The following ZBTB20 variants were observed in gnomAD, a reference collection of about 807,000 sequenced individuals.
ZBTB20 encodes zinc finger and BTB domain-containing protein 20.
A neutral mutation model predicts 56.9 loss-of-function variants in ZBTB20; 9 were observed. The observed-to-expected ratio is 0.16, with a 90% CI of 0.10 to 0.28. The LOEUF is 0.28. Ranked by LOEUF, ZBTB20 falls within the 10% of genes least tolerant of loss-of-function variation. The probability of loss-of-function intolerance (pLI) is 1.00; values close to 1 mark genes in which losing one functional copy is unlikely to be tolerated. For missense variants in ZBTB20, 655 were observed against 1,003.0 expected (o/e 0.65, Z 4.69); for synonymous variants, 417 against 420.7 (o/e 0.99, Z 0.11).
At chr3:114,999,241 T>G (rs1230652585) in intron 2 of ZBTB20, among the ~76,000 whole-genome samples, 1 of 108,234 alleles carries the variant, frequency 9.2e-6, no homozygotes, top group African/African-American at 3.7e-5. Context: ...GGGAGGGAAA[T>G]GAAAGCAGGA....
intron 2 of ZBTB20, among the ~76,000 whole-genome samples, chr3:115,011,191 G>A (rs1312480579): frequency 6.6e-6 from 1 of 151,800 alleles, no homozygotes; most frequent in African/African-American, 2.4e-5. Flanking sequence ...CCTGATTATT[G>A]GCCTTAAAGA....
rs1576744101 is a variant in ZBTB20 at position 114,434,558 on chromosome 3, T to TGTGTGTGTG, written c.-254-45454_-254-45453insCACACACAC. Among the ~76,000 whole-genome samples the TGTGTGTGTG allele has an allele frequency of 2.2e-4, 32 of 146,050 alleles. 1 individual carries two copies. Among genetic ancestry groups the TGTGTGTGTG allele is most frequent in the African/African-American group, 6.4e-4 (25 of 39,270 alleles). On this transcript the variant is annotated intron_variant, in intron 7 of 11. Transcript: ENST00000675478. ...GCAATTGGGGTGTGTGTGTGTGTGT[T>TGTGTGTGTG]TGTGTGTGTGTGTGTGTGTATCTTT...
chr3:114,677,101 T>C (rs2061674533), intron 6 of ZBTB20, among the ~76,000 whole-genome samples: 1 of 152,130 alleles, frequency 6.6e-6, no homozygotes, highest in Non-Finnish European at 1.5e-5. Flanking sequence ...CTCAAGTTTA[T>C]GCAGGAGGAA....
intron 1 of ZBTB20, among the ~76,000 whole-genome samples, chr3:115,128,308 A>G (rs993310176): frequency 6.6e-6 from 1 of 152,204 alleles, no homozygotes; most frequent in African/African-American, 2.4e-5. Context: ...TATAATATCA[A>G]AGAGAATCAG....
intron 2 of ZBTB20, among the ~76,000 whole-genome samples, chr3:115,043,638 A>ATAAAATAAT (rs2081233029): frequency 6.6e-6 from 1 of 150,942 alleles, no homozygotes; most frequent in Non-Finnish European, 1.5e-5. Context: ...AAATAATAAA[A>ATAAAATAAT]TAAATAAAAG....
At chr3:114,454,483 C>T (rs1407033898) in intron 7 of ZBTB20, 1 of 150,516 alleles carries the variant, frequency 6.6e-6, no homozygotes, top group Non-Finnish European at 1.5e-5. Context: ...ACAACAAACA[C>T]AGCAAAATAC....
chr3:114,380,274 G>T lies in ZBTB20; in HGVS notation c.142C>A (p.Leu48Ile). ...FEAVLSPDPA[L>I]IHSTHSLTNS... is the part of the protein sequence containing the mutation. ...GTCAGTGAATGTGTTGAGTGGATGA[G>T]GGCTGGGTCTGGAGACAAAACAGCT... Residue 48 changes from leucine (L) to isoleucine (I), a missense_variant, in exon 10 of 12, where the codon CTC becomes ATC. By Grantham distance (5) the Leu-to-Ile change is conservative (BLOSUM62 2). Transcript: ENST00000675478. 6.5e-7 allele frequency: 1 copy of T among 1,537,180 alleles called. No individual in the cohort carries two copies. Among genetic ancestry groups the T allele is most frequent in the Non-Finnish European group, 8.7e-7 (1 of 1,146,880 alleles).
chr3:114,671,986 A>G (rs1281030502), intron 6 of ZBTB20, among the ~76,000 whole-genome samples: 1 of 152,144 alleles, frequency 6.6e-6, no homozygotes, highest in Non-Finnish European at 1.5e-5. Context: ...AAACTCCACC[A>G]TGGAATTCTC....
intron 2 of ZBTB20, among the ~76,000 whole-genome samples, chr3:115,026,800 A>G (rs180962876): frequency 6.6e-6 from 1 of 150,892 alleles, no homozygotes; most frequent in East Asian, 1.9e-4. Flanking sequence ...AAAACAATTC[A>G]AAGTAATTTT....
Position 114,316,544 on chromosome 3 carries a change from C to A in ZBTB20, c.*22461G>T, listed in dbSNP as rs1478269842. Reference sequence around the variant, plus strand: ...TGGATACATATAGGAAGTGTGTATACATTTATACATAATATAGTGTATATC... The same window carrying A: ...TGGATACATATAGGAAGTGTGTATAAATTTATACATAATATAGTGTATATC... On this transcript the variant is annotated 3_prime_UTR_variant, in exon 12 of 12. Transcript: ENST00000675478. 1.9e-6 allele frequency: 1 copy of A among 533,696 alleles called. No individual in the cohort carries two copies. Among genetic ancestry groups the A allele is most frequent in the Admixed American group, 1.9e-5 (1 of 51,390 alleles). 33.1% of individuals were successfully genotyped at this position (533,696 alleles called of 1,614,324 possible).
At chr3:115,092,795 T>A (rs1000120814) in intron 1 of ZBTB20, among the ~76,000 whole-genome samples, 1 of 152,138 alleles carries the variant, frequency 6.6e-6, no homozygotes, top group African/African-American at 2.4e-5. Context: ...TTTATGGCAT[T>A]CGTTCAATCA....
intron 6 of ZBTB20, among the ~76,000 whole-genome samples, chr3:114,522,113 T>C (rs2046707771): frequency 1.3e-5 from 2 of 152,222 alleles, no homozygotes; most frequent in Admixed American, 1.3e-4. Context: ...AAATAAAATA[T>C]ATATTTTGTC....
intron 1 of ZBTB20, among the ~76,000 whole-genome samples, chr3:115,095,436 G>C (rs937975889): frequency 1.3e-5 from 2 of 152,116 alleles, no homozygotes; most frequent in Admixed American, 6.5e-5. Context: ...ATGAACTATA[G>C]AATTACCAAA....
chr3:114,604,847 C>G (rs143893990), intron 6 of ZBTB20, among the ~76,000 whole-genome samples: 1,956 of 152,110 alleles, frequency 0.013, 44 homozygotes, highest in South Asian at 0.068. Flanking sequence ...CAGCTGTGAA[C>G]TAGTTGGGAT....
At chr3:114,542,220 T>C (rs1460065331) in intron 6 of ZBTB20, among the ~76,000 whole-genome samples, 1 of 152,146 alleles carries the variant, frequency 6.6e-6, no homozygotes, top group Non-Finnish European at 1.5e-5. Flanking sequence ...AATGAATTCT[T>C]GGATATTGGG....
chr3:114,400,548 CA>C (rs2086727693), intron 7 of ZBTB20, among the ~76,000 whole-genome samples: 1 of 152,158 alleles, frequency 6.6e-6, no homozygotes. Flanking sequence ...CCTCTCCCAG[CA>C]CGCTGCAGAG....
intron 6 of ZBTB20, among the ~76,000 whole-genome samples, chr3:114,593,546 G>C (rs1228331918): frequency 1.3e-5 from 2 of 151,924 alleles, no homozygotes; most frequent in East Asian, 3.9e-4. Context: ...CACCACACAT[G>C]GCTAATTTTG....
At chr3:115,072,328 T>C (rs1031238683) in intron 1 of ZBTB20, among the ~76,000 whole-genome samples, 1 of 152,172 alleles carries the variant, frequency 6.6e-6, no homozygotes, top group African/African-American at 2.4e-5. Flanking sequence ...ATAATAAATA[T>C]GCTTGTTATA....
chr3:114,651,490 C>T (rs1381507671), intron 6 of ZBTB20, among the ~76,000 whole-genome samples: 2 of 140,252 alleles, frequency 1.4e-5, no homozygotes, highest in Non-Finnish European at 3.1e-5. Flanking sequence ...TTTTCTTTGG[C>T]TTTGACAATT....
Sources: gnomAD v4.1 joint callset for allele counts (sites outside exome capture counted in the v4.1 genomes callset) on GRCh38, gnomAD v4.1.1 for gene constraint, MANE v1.5 for transcripts, NCBI Gene and HGNC (gene_info 2026-07-23, HGNC 2026-07-21) for gene names.